Variants in GLIS3 observed in about 807,000 individuals in gnomAD.
GLIS3 encodes zinc finger protein GLIS3.
In GLIS3, 53 loss-of-function variants were observed where a neutral mutation model predicts 78.6. That is an observed-to-expected ratio of 0.67 (90% CI 0.54 to 0.85). GLIS3 has a LOEUF of 0.85. Among genes scored for constraint, GLIS3 ranks in the 40% least tolerant of loss-of-function variants. GLIS3 has a pLI of 0.00. For synonymous variants in GLIS3, 684 were observed against 509.9 expected, an observed-to-expected ratio of 1.34 and a Z score of -4.60; for missense variants, 1,703 against 1,231.1, an observed-to-expected ratio of 1.38 and a Z score of -5.74.
the GLIS3 span, among the ~76,000 whole-genome samples, chr9:4,437,461 T>TATC: frequency 1.9e-5 from 2 of 107,714 alleles, 1 homozygote; most frequent in African/African-American, 5.7e-5. Flanking sequence ...TCTATCTATC[T>TATC]ATCTATCTAT....
the GLIS3 span, among the ~76,000 whole-genome samples, chr9:4,410,386 T>C: frequency 6.6e-6 from 1 of 152,174 alleles, no homozygotes; most frequent in South Asian, 2.1e-4. Flanking sequence ...AAACCATCCT[T>C]AATTCTTTAG....
At chr9:4,188,723 G>A (rs1818037011) in intron 2 of GLIS3, among the ~76,000 whole-genome samples, 1 of 152,168 alleles carries the variant, frequency 6.6e-6, no homozygotes, top group Admixed American at 6.5e-5. Context: ...GTTTAGTCAT[G>A]GGAGGGTGTA....
chr9:4,409,582 T>C, the GLIS3 span, among the ~76,000 whole-genome samples: 7 of 152,160 alleles, frequency 4.6e-5, no homozygotes, highest in Admixed American at 1.3e-4. Flanking sequence ...ATGAGAATGA[T>C]TGTCACAGGG....
the GLIS3 span, among the ~76,000 whole-genome samples, chr9:4,397,012 T>C: frequency 7.1e-6 from 1 of 140,858 alleles, no homozygotes; most frequent in South Asian, 2.3e-4. Flanking sequence ...GTCAATCCTT[T>C]TTTCTTTTTT....
intron 4 of GLIS3, among the ~76,000 whole-genome samples, chr9:4,097,619 C>T (rs117449415): frequency 1.3e-5 from 2 of 152,250 alleles, no homozygotes; most frequent in Non-Finnish European, 2.9e-5. Context: ...CGCATACTGA[C>T]CAAAATATTT....
At chr9:4,343,246 G>A (rs113629591) in intron 2 of GLIS3, among the ~76,000 whole-genome samples, 2 of 152,290 alleles carry the variant, frequency 1.3e-5, no homozygotes, top group African/African-American at 4.8e-5. Flanking sequence ...AAAGGCTGAG[G>A]TGGGAAGATT....
chr9:4,327,360 A>G (rs966773589), intron 2 of GLIS3, among the ~76,000 whole-genome samples: 1 of 151,856 alleles, frequency 6.6e-6, no homozygotes, highest in African/African-American at 2.4e-5. Context: ...GGAGAGGAGG[A>G]TGTGATATTG....
chr9:4,299,407 T>A lies in GLIS3; in HGVS notation c.-99+14A>T, dbSNP rs1816917466. 1 of 152,344 alleles carries A rather than the reference T, an allele frequency of 6.6e-6. No individual in the cohort carries two copies. The highest frequency in any genetic ancestry group is 1.5e-5 in the Non-Finnish European group (1 of 68,066). 9.4% of individuals were successfully genotyped at this position (152,344 alleles called of 1,614,324 possible). A position where few individuals can be genotyped will look rare whatever the true frequency, so the allele number is the denominator to read the frequency against. ...CTCTCGCCTGCGAGCAAAGTTCCTATGGCATCCACTTACCAGGTAACCGGG... is the reference window on the plus strand; with the variant it reads ...CTCTCGCCTGCGAGCAAAGTTCCTAAGGCATCCACTTACCAGGTAACCGGG... On this transcript the variant is annotated intron_variant, in intron 1 of 10. Transcript: ENST00000381971.
At chr9:4,227,522 C>T (rs1007880920) in intron 2 of GLIS3, among the ~76,000 whole-genome samples, 1 of 152,110 alleles carries the variant, frequency 6.6e-6, no homozygotes, top group African/African-American at 2.4e-5. Context: ...ACTCAAAATT[C>T]TCTGTGTGCT....
chr9:4,328,550 A>C (rs10974469), intron 2 of GLIS3, among the ~76,000 whole-genome samples: 45,682 of 151,984 alleles, frequency 0.3, 8,534 homozygotes, highest in African/African-American at 0.54. Flanking sequence ...GGAAATCTAG[A>C]GGGGCCAAGC....
At chr9:4,023,880 T>A (rs1823087386) in intron 4 of GLIS3, among the ~76,000 whole-genome samples, 1 of 152,168 alleles carries the variant, frequency 6.6e-6, no homozygotes, top group African/African-American at 2.4e-5. Context: ...TCATACAGCA[T>A]TTTGACTTTG....
chr9:4,337,818 G>A (rs1304320823), intron 2 of GLIS3, among the ~76,000 whole-genome samples: 1 of 152,098 alleles, frequency 6.6e-6, no homozygotes, highest in East Asian at 1.9e-4. Flanking sequence ...CCATCTTTCA[G>A]ATATGTTGTA....
intron 2 of GLIS3, among the ~76,000 whole-genome samples, chr9:4,280,086 C>T (rs1470159564): frequency 6.6e-6 from 1 of 152,210 alleles, no homozygotes; most frequent in Non-Finnish European, 1.5e-5. Context: ...GTGGCACAAT[C>T]ATGGCTCACC....
intron 4 of GLIS3, among the ~76,000 whole-genome samples, chr9:4,044,074 A>T (rs1825051406): frequency 6.6e-6 from 1 of 152,330 alleles, no homozygotes; most frequent in African/African-American, 2.4e-5. Context: ...CACAGAAGAG[A>T]AAACTGGCAG....
intron 8 of GLIS3, among the ~76,000 whole-genome samples, chr9:3,859,837 A>C (rs1820064275): frequency 6.6e-6 from 1 of 152,226 alleles, no homozygotes; most frequent in African/African-American, 2.4e-5. Flanking sequence ...GCTTACCAGA[A>C]ACAGATCGCA....
chr9:4,400,311 T>C, the GLIS3 span, among the ~76,000 whole-genome samples: 1 of 152,184 alleles, frequency 6.6e-6, no homozygotes, highest in African/African-American at 2.4e-5. Flanking sequence ...GATGGTGACC[T>C]GAACTGGGAT....
chr9:4,433,383 G>T, the GLIS3 span, among the ~76,000 whole-genome samples: 4 of 152,106 alleles, frequency 2.6e-5, no homozygotes, highest in Non-Finnish European at 4.4e-5. Context: ...AGCAAGCAGA[G>T]ATCGCACCAC....
chr9:4,137,693 T>C (rs567320062), intron 2 of GLIS3, among the ~76,000 whole-genome samples: 7 of 152,318 alleles, frequency 4.6e-5, no homozygotes, highest in Admixed American at 1.3e-4. Flanking sequence ...CCGTCAGCTA[T>C]TGTATATCAA....
At chr9:4,050,434 C>T (rs1301703080) in intron 4 of GLIS3, among the ~76,000 whole-genome samples, 4 of 152,060 alleles carry the variant, frequency 2.6e-5, no homozygotes, top group Non-Finnish European at 2.9e-5. Context: ...ACATCACACA[C>T]CAGGGCCTGT....
Sources: allele counts gnomAD v4.1 joint callset (sites outside exome capture counted in the v4.1 genomes callset), GRCh38; gene constraint gnomAD v4.1.1; transcripts MANE v1.5; gene names NCBI Gene and HGNC (gene_info 2026-07-23, HGNC 2026-07-21).